RASA2: variants seen among roughly 807,000 people sequenced by gnomAD.
RASA2 encodes the protein RAS p21 protein activator 2, also known as ras GTPase-activating protein 2.
Under a neutral mutation model 118.2 loss-of-function variants are expected in RASA2, and 155 were observed. The ratio of observed to expected loss-of-function variants is 1.31; its 90% CI spans 1.15 to 1.50. RASA2 has a LOEUF of 1.50. Among genes scored for constraint, RASA2 ranks in the 40% most tolerant of loss-of-function variants. The probability of loss-of-function intolerance (pLI) is 0.00; values close to 1 mark genes in which losing one functional copy is unlikely to be tolerated. For synonymous variants in RASA2, 353 were observed against 349.1 expected (o/e 1.01, Z -0.12); for missense variants, 1,016 against 1,009.6 (o/e 1.01, Z -0.09).
intron 4 of RASA2, 91 bp from the exon 5 acceptor site, chr3:141,540,442 A>T: frequency 9.7e-7 from 1 of 1,031,632 alleles, no homozygotes; most frequent in South Asian, 1.4e-5. Flanking sequence ...TGGTCAGTGG[A>T]TAAATACTGT....
intron 17 of RASA2, among the ~76,000 whole-genome samples, chr3:141,585,620 G>A (rs918823118): frequency 2.6e-5 from 4 of 151,958 alleles, no homozygotes; most frequent in South Asian, 2.1e-4. Context: ...CCAACATAGC[G>A]TAACCCTGTC....
Position 141,512,289 on chromosome 3 carries a change from A to G in RASA2, c.251+9A>G. 1 of 1,525,638 alleles carries G rather than the reference A, an allele frequency of 6.6e-7. No homozygotes were observed. Among genetic ancestry groups the G allele is most frequent in the Non-Finnish European group, 8.9e-7 (1 of 1,119,718 alleles). 94.5% of individuals were successfully genotyped at this position (1,525,638 alleles called of 1,614,324 possible). A position where few individuals can be genotyped will look rare whatever the true frequency, so the allele number is the denominator to read the frequency against. On this transcript the variant is annotated intron_variant, in intron 2 of 23. Coordinates refer to ENST00000286364, the MANE Select transcript of RASA2 (RefSeq NM_006506.5). ...GTGGAAAAATCTTTAAGGTTGGTAG[A>G]AAAAATTGGTAAATTATAATTTTTA...
intron 23 of RASA2, among the ~76,000 whole-genome samples, chr3:141,611,002 G>C (rs2083643096): frequency 6.6e-6 from 1 of 152,058 alleles, no homozygotes; most frequent in African/African-American, 2.4e-5. Flanking sequence ...TACTGCAATG[G>C]ATAACAACAG....
intron 4 of RASA2, among the ~76,000 whole-genome samples, chr3:141,537,201 T>TC (rs1422069279): frequency 6.6e-6 from 1 of 152,166 alleles, no homozygotes; most frequent in East Asian, 1.9e-4. Flanking sequence ...GTTCTTTTTT[T>TC]CTCTTCTCTG....
At chr3:141,562,961 G>A (rs535003642) in intron 9 of RASA2, among the ~76,000 whole-genome samples, 3 of 152,114 alleles carry the variant, frequency 2.0e-5, no homozygotes, top group Non-Finnish European at 2.9e-5. Flanking sequence ...GTGAGCCACC[G>A]CACCTGGCCC....
intron 23 of RASA2, among the ~76,000 whole-genome samples, chr3:141,611,844 T>A (rs540913864): frequency 2.3e-4 from 35 of 152,288 alleles, no homozygotes; most frequent in African/African-American, 8.4e-4. Context: ...TTGGTTCTCT[T>A]CCAACAGTAG....
chr3:141,567,690 G>C (rs1026148937), intron 9 of RASA2, among the ~76,000 whole-genome samples: 24 of 152,094 alleles, frequency 1.6e-4, no homozygotes, highest in African/African-American at 5.8e-4. Context: ...GTATACCATA[G>C]AGGCAGTGAG....
At chr3:141,546,354 A>G (rs1181024602) in intron 5 of RASA2, among the ~76,000 whole-genome samples, 1 of 152,188 alleles carries the variant, frequency 6.6e-6, no homozygotes, top group African/African-American at 2.4e-5. Flanking sequence ...AATATTTGTT[A>G]CGCATGTCTT....
chr3:141,587,093 A>G (rs2083216726), intron 19 of RASA2, among the ~76,000 whole-genome samples: 1 of 152,244 alleles, frequency 6.6e-6, no homozygotes. Context: ...CAAAATTAGC[A>G]AGATTCCATA....
chr3:141,514,961 A>G (rs1381650345), intron 2 of RASA2, among the ~76,000 whole-genome samples: 6 of 152,192 alleles, frequency 3.9e-5, no homozygotes, highest in Admixed American at 2.6e-4. Flanking sequence ...ATGTATAGTG[A>G]TAGAAAACAC....
At position 141,609,576 on chromosome 3, in the gene RASA2, A is replaced by G. The variant is rs570731564; in HGVS notation, c.2329+53A>G. 189 of 1,348,614 alleles carry G rather than the reference A, an allele frequency of 1.4e-4. No individual in the cohort carries two copies. In the African/African-American group the frequency reaches 2.5e-3, roughly 18 times the overall value. 83.5% of individuals were successfully genotyped at this position (1,348,614 alleles called of 1,614,324 possible). On this transcript the variant is annotated intron_variant, in intron 22 of 23. Coordinates refer to ENST00000286364, the MANE Select transcript of RASA2 (RefSeq NM_006506.5). ...CCATAATCTTTCATTACCAATTCCT[A>G]AAGTATTGCTTTAGCATTATACAAA...
intron 5 of RASA2, among the ~76,000 whole-genome samples, chr3:141,549,927 C>T (rs1406765075): frequency 6.6e-6 from 1 of 152,064 alleles, no homozygotes; most frequent in African/African-American, 2.4e-5. Flanking sequence ...ATTTGAGCTT[C>T]AGAATAAATA....
intron 1 of RASA2, among the ~76,000 whole-genome samples, chr3:141,500,360 A>G (rs1472282214): frequency 1.3e-5 from 2 of 152,196 alleles, no homozygotes; most frequent in Non-Finnish European, 2.9e-5. Flanking sequence ...ACTGTTAAAG[A>G]TAAATCAATG....
chr3:141,587,987 A>T (rs1185536921), intron 19 of RASA2, among the ~76,000 whole-genome samples: 1 of 152,208 alleles, frequency 6.6e-6, no homozygotes, highest in African/African-American at 2.4e-5. Context: ...TATTTCTTTG[A>T]CTATGGACCT....
At chr3:141,515,682 G>A (rs1467208576) in intron 2 of RASA2, among the ~76,000 whole-genome samples, 1 of 151,770 alleles carries the variant, frequency 6.6e-6, no homozygotes, top group Non-Finnish European at 1.5e-5. Context: ...CGGGTGGATT[G>A]CAAGGTCAAG....
At chr3:141,515,672 C>G (rs1185099185) in intron 2 of RASA2, among the ~76,000 whole-genome samples, 1 of 151,872 alleles carries the variant, frequency 6.6e-6, no homozygotes, top group African/African-American at 2.4e-5. Context: ...GAGGCTGAGG[C>G]GGGTGGATTG....
intron 3 of RASA2, among the ~76,000 whole-genome samples, chr3:141,519,881 G>A (rs2082084906): frequency 1.3e-5 from 2 of 151,712 alleles, no homozygotes; most frequent in African/African-American, 2.4e-5. Flanking sequence ...AATATATTAG[G>A]GTCTGTGCTG....
At chr3:141,489,153 A>G (rs1234186245) in intron 1 of RASA2, among the ~76,000 whole-genome samples, 3 of 152,132 alleles carry the variant, frequency 2.0e-5, no homozygotes, top group African/African-American at 7.3e-5. Context: ...GAAGTATTCT[A>G]TCTGTTATCC....
chr3:141,502,961 T>C (rs2151073915), intron 1 of RASA2, among the ~76,000 whole-genome samples: 1 of 152,272 alleles, frequency 6.6e-6, no homozygotes, highest in African/African-American at 2.4e-5. Context: ...AAGAGTTGAA[T>C]AGAAAGACTC....
Sources: allele counts gnomAD v4.1 joint callset (sites outside exome capture counted in the v4.1 genomes callset), GRCh38; gene constraint gnomAD v4.1.1; transcripts MANE v1.5; gene names NCBI Gene and HGNC (gene_info 2026-07-23, HGNC 2026-07-21).